The following MCM2 variants were observed in gnomAD, a reference collection of about 807,000 sequenced individuals.
The protein encoded by MCM2 is minichromosome maintenance complex component 2.
In MCM2, 49 loss-of-function variants were observed where a neutral mutation model predicts 86.4. That is an observed-to-expected ratio of 0.57 (90% CI 0.45 to 0.72). The LOEUF (loss-of-function observed/expected upper bound fraction) is 0.72. Among genes scored for constraint, MCM2 ranks in the 30% least tolerant of loss-of-function variants. The pLI is 0.00. For missense variants in MCM2, 1,038 were observed against 1,259.9 expected (o/e 0.82, Z 2.67); for synonymous variants, 475 against 484.6 (o/e 0.98, Z 0.26).
At chr3:127,599,598 A>G (rs376685268) in intron 2 of MCM2, 51 bp downstream of exon 2, 78 of 1,514,244 alleles carry the variant, frequency 5.2e-5, no homozygotes, top group African/African-American at 1.5e-4. Flanking sequence ...CAGAGAGCCC[A>G]TTGTGTGCCT....
At position 127,606,134 on chromosome 3, in the gene MCM2, G is replaced by C. The variant is rs746049561; in HGVS notation, c.690G>C (p.Leu230=). Residue 230 remains leucine (L), a synonymous_variant, in exon 5 of 16, where the codon CTG becomes CTC. Transcript: ENST00000265056. This position sits in a 1 kb window ranked among gnomAD's most constrained non-coding sequence, Gnocchi z 4.2. ...CCCTTCTAGAGAACCGTGAGAGCCT[G>C]GTGGTGAACTATGAGGACTTGGCAG... The part of the protein sequence containing the change: ...SDMCKENRES[L]VVNYEDLAAR... 6.2e-7 allele frequency: 1 copy of C among 1,614,114 alleles called. No individual in the cohort carries two copies. The highest frequency in any genetic ancestry group is 1.1e-5 in the South Asian group (1 of 91,074).
chr3:127,620,983 C>T (rs924663727), intron 14 of MCM2, 90 bp from the exon 15 acceptor site: 4 of 1,573,780 alleles, frequency 2.5e-6, no homozygotes, highest in Non-Finnish European at 2.6e-6. Context: ...GGAGCGGCAG[C>T]CTGTCTGACC....
intron 1 of MCM2, chr3:127,598,882 G>A (rs936220728): frequency 8.6e-6 from 3 of 347,822 alleles, no homozygotes; most frequent in Non-Finnish European, 1.6e-5. Context: ...CTTGTATACT[G>A]TCTGTTCCAC....
Position 127,606,225 on chromosome 3 carries a change from GAGGCTGCCCTGGAGGTGGTACTGGCC to G in MCM2, c.783_808del (p.Glu261AspfsTer85), listed in dbSNP as rs768728117. On this transcript the variant is annotated frameshift_variant, in exon 5 of 16. Transcript: ENST00000265056. LOFTEE classifies it high-confidence loss of function. The surrounding 1 kb of genome is among the most constrained non-coding windows in gnomAD (Gnocchi z 4.2). ...GGCGGAGCTGCTGCAGATCTTTGAT[GAGGCTGCCCTGGAGGTGGTACTGGCC>G]ATGTACCCCAAGTACGACCGCATCA... is the stretch of plus-strand genomic sequence containing the variant. 6.2e-7 allele frequency: 1 copy of G among 1,614,240 alleles called. No homozygotes were observed. Among genetic ancestry groups the G allele is most frequent in the South Asian group, 1.1e-5 (1 of 91,086 alleles).
rs746821413 is a variant in MCM2, at chr3:127,606,234, C to T, written c.790C>T (p.Leu264=). Residue 264 remains leucine, a synonymous_variant, in exon 5 of 16, where the codon CTG becomes TTG. Transcript: ENST00000265056. This position sits in a 1 kb window ranked among gnomAD's most constrained non-coding sequence, Gnocchi z 4.2. ...GCTGCAGATCTTTGATGAGGCTGCC[C>T]TGGAGGTGGTACTGGCCATGTACCC... ...ELLQIFDEAA[L]EVVLAMYPKY... 40 of 1,614,086 alleles carry T rather than the reference C, an allele frequency of 2.5e-5. 2 individuals carry two copies. The South Asian group carries it at 4.1e-4, about 16-fold the overall frequency.
chr3:127,604,593 T>C lies in MCM2; in HGVS notation c.237-15T>C, dbSNP rs1284260250. The C allele has an allele frequency of 6.2e-7, 1 of 1,608,690 alleles. No individual in the cohort carries two copies. Among genetic ancestry groups the C allele is most frequent in the East Asian group, 2.2e-5 (1 of 44,752 alleles). On this transcript the variant is annotated splice_polypyrimidine_tract_variant and intron_variant, in intron 2 of 15. Transcript: ENST00000265056. ...CTTTTTGGCAGTAACCACATCTGTT[T>C]TGGTGCTCCCTCAGGGACTACCGCG... is the stretch of plus-strand genomic sequence containing the variant.
chr3:127,620,909 T>C (rs768708114), intron 14 of MCM2, 29 bp downstream of exon 14: 1 of 1,584,116 alleles, frequency 6.3e-7, no homozygotes, highest in South Asian at 1.2e-5. Context: ...AGGGGCCTGA[T>C]GGGCAAGCTC....
At position 127,609,837 on chromosome 3, in the gene MCM2, CTTTTTTTTTTTTTT is replaced by C. The variant is rs10716532; in HGVS notation, c.1428+828_1428+841del. Among the ~76,000 whole-genome samples, 41 of 69,114 alleles carry C rather than the reference CTTTTTTTTTTTTTT, an allele frequency of 5.9e-4. No homozygotes were observed. In the East Asian group the frequency reaches 0.016, roughly 27 times the overall value. 45.3% of individuals were successfully genotyped at this position (69,114 alleles called of 152,430 possible). A position where few individuals can be genotyped will look rare whatever the true frequency, so the allele number is the denominator to read the frequency against. On this transcript the variant is annotated intron_variant, in intron 8 of 15. Transcript: ENST00000265056. ...CTTCCTCTGTTTCTCAGTCAACTTC[CTTTTTTTTTTTTTT>C]TTTTTTTTTTTTTGAGATGGAGTCT...
chr3:127,598,579 G>C, intron 1 of MCM2, 107 bp downstream of exon 1: 2 of 1,413,364 alleles, frequency 1.4e-6, no homozygotes, highest in Non-Finnish European at 1.9e-6. Context: ...GGTGAGGCTG[G>C]GCCCCAGGCT....
chr3:127,599,375 G>A lies in MCM2; in HGVS notation c.64G>A (p.Asp22Asn), dbSNP rs1321006847. The change falls in exon 2 of 16, where the codon GAT becomes AAT. Residue 22 changes from aspartate to asparagine, a missense_variant. Around this residue, in one of 4 missense-constraint regions of MCM2, gnomAD observed 300 missense variants for 307.4 expected, o/e 0.98. Transcript: ENST00000265056. ...CCCGGCCCAGCGTCGGCGAGGCAAT[G>A]ATCCTCTCACCTCCAGCCCTGGCCG... ...SSPAQRRRGN[D>N]PLTSSPGRSS... The A allele has an allele frequency of 1.2e-6, 2 of 1,614,170 alleles. No homozygotes were observed. Among genetic ancestry groups the A allele is most frequent in the East Asian group, 4.5e-5 (2 of 44,890 alleles).
chr3:127,608,283 C>G, intron 6 of MCM2, 99 bp from the exon 7 acceptor site: 1 of 1,483,910 alleles, frequency 6.7e-7, no homozygotes. Flanking sequence ...ATTTGCCACT[C>G]AGGAGTCGGA....
At chr3:127,614,912 C>A (rs1440109348) in intron 8 of MCM2, among the ~76,000 whole-genome samples, 2 of 152,170 alleles carry the variant, frequency 1.3e-5, no homozygotes, top group African/African-American at 4.8e-5. Context: ...ACATTTCCAG[C>A]CCCGGACCTG....
intron 9 of MCM2, among the ~76,000 whole-genome samples, chr3:127,616,662 G>A (rs541581408): frequency 9.9e-5 from 15 of 152,204 alleles, no homozygotes; most frequent in Non-Finnish European, 2.2e-4. Flanking sequence ...AGGACATCTC[G>A]TGCAACCCTC....
Position 127,617,233 on chromosome 3 carries a change from G to A in MCM2, c.1774-46G>A, listed in dbSNP as rs2074440442. The A allele has an allele frequency of 6.2e-7, 1 of 1,610,718 alleles. No individual in the cohort carries two copies. Among genetic ancestry groups the A allele is most frequent in the African/African-American group, 1.3e-5 (1 of 74,872 alleles). On this transcript the variant is annotated intron_variant, in intron 10 of 15. Coordinates refer to ENST00000265056, the MANE Select transcript of MCM2 (RefSeq NM_004526.4). The surrounding 1 kb of genome is among the most constrained non-coding windows in gnomAD (Gnocchi z 4.1). ...TTGGGACCTCATCGGAGACTTAGTA[G>A]TAGGGGCGTGAACCATGCTAAGGGT...
In MCM2 at chr3:127,608,510, C is replaced by G. The variant is rs202032909; in HGVS notation, c.1230C>G (p.Asp410Glu). 5.0e-6 allele frequency: 8 copies of G among 1,613,992 alleles called. No individual in the cohort carries two copies. The highest frequency in any genetic ancestry group is 5.9e-6 in the Non-Finnish European group (7 of 1,180,030). ...ADLVDSCKPGDEIELTGIYHN... is the reference protein window; with the variant it reads ...ADLVDSCKPGEEIELTGIYHN... ...TGGTGGACAGCTGCAAGCCAGGAGA[C>G]GAGATAGTAAGTGGCCGGGGCAGGC... The change falls in exon 7 of 16, where the codon GAC becomes GAG. Residue 410 changes from aspartate (D) to glutamate (E), a missense_variant. By Grantham distance (45) the Asp-to-Glu change is conservative. Around this residue, in one of 4 missense-constraint regions of MCM2, gnomAD observed 399 missense variants for 507.2 expected, o/e 0.79. Coordinates refer to ENST00000265056, the MANE Select transcript of MCM2 (RefSeq NM_004526.4).
chr3:127,602,528 G>A (rs768960585), intron 2 of MCM2, among the ~76,000 whole-genome samples: 2 of 152,052 alleles, frequency 1.3e-5, no homozygotes, highest in Admixed American at 6.6e-5. Context: ...GCGACCATAG[G>A]CAAAAATCAC....
At position 127,617,547 on chromosome 3, in the gene MCM2, T is replaced by C. The variant is rs2074442891; in HGVS notation, c.1900+142T>C. ...GAGGGTTCCCCTCTTCTGCATATCC[T>C]GCCAGAGTGGGGAACAGTGAAAGTG... On this transcript the variant is annotated intron_variant, in intron 11 of 15. Coordinates refer to ENST00000265056, the MANE Select transcript of MCM2 (RefSeq NM_004526.4). This position sits in a 1 kb window ranked among gnomAD's most constrained non-coding sequence, Gnocchi z 4.1. 2.8e-6 allele frequency: 3 copies of C among 1,077,680 alleles called. No individual in the cohort carries two copies. Among genetic ancestry groups the C allele is most frequent in the Admixed American group, 5.7e-5 (2 of 35,132 alleles). The allele number at this position is 1,077,680 out of a possible 1,614,324, so 66.8% of individuals were successfully genotyped here.
At position 127,617,130 on chromosome 3, in the gene MCM2, G is replaced by A. The variant is rs61441795; in HGVS notation, c.1773+12G>A. On this transcript the variant is annotated intron_variant, in intron 10 of 15. Coordinates refer to ENST00000265056, the MANE Select transcript of MCM2 (RefSeq NM_004526.4). This position sits in a 1 kb window ranked among gnomAD's most constrained non-coding sequence, Gnocchi z 4.1. ...ATGAATTTGACAAGGTGGGTCCCTG[G>A]GTCACGGAGGCTGGTGGAACTCAGG... 1,503 of 1,610,966 alleles carry A rather than the reference G, an allele frequency of 9.3e-4. 14 individuals are homozygous for A. In the African/African-American group the frequency reaches 0.019, roughly 20 times the overall value.
chr3:127,619,291 G>C lies in MCM2; in HGVS notation c.2265+13G>C, dbSNP rs1399405276. 8 of 1,609,248 alleles carry C rather than the reference G, an allele frequency of 5.0e-6. No homozygotes were observed. Among genetic ancestry groups the C allele is most frequent in the Non-Finnish European group, 6.8e-6 (8 of 1,176,222 alleles). On this transcript the variant is annotated intron_variant, in intron 13 of 15. Transcript: ENST00000265056. ...GAAAGAATCTATGGTGAGAGCCCAG[G>C]CAGAGCCGGGAGGTGCTATGCAGAG...
Sources: allele counts gnomAD v4.1 joint callset (sites outside exome capture counted in the v4.1 genomes callset), GRCh38; gene constraint gnomAD v4.1.1; regional missense constraint gnomAD v4.1.1; non-coding constraint Gnocchi (gnomAD v3.1); transcripts MANE v1.5; gene names NCBI Gene and HGNC (gene_info 2026-07-23, HGNC 2026-07-21).